TBC1D19: variants seen among roughly 807,000 people sequenced by gnomAD.
TBC1D19 encodes TBC1 domain family, member 19.
In TBC1D19, 60 loss-of-function variants were observed where a neutral mutation model predicts 89.0. The ratio of observed to expected loss-of-function variants is 0.67; its 90% CI spans 0.55 to 0.84. The LOEUF (loss-of-function observed/expected upper bound fraction) is 0.84, where lower values mean the gene tolerates loss of function less well. Ranked by LOEUF, TBC1D19 falls within the 40% of genes least tolerant of loss-of-function variation. The probability of loss-of-function intolerance (pLI) is 0.00; values close to 1 mark genes in which losing one functional copy is unlikely to be tolerated. For synonymous variants in TBC1D19, 189 were observed against 199.7 expected (o/e 0.95, Z 0.45); for missense variants, 500 against 610.8 (o/e 0.82, Z 1.91).
At chr4:26,622,836 T>A (rs1042650659) in intron 4 of TBC1D19, among the ~76,000 whole-genome samples, 3 of 152,158 alleles carry the variant, frequency 2.0e-5, no homozygotes, top group African/African-American at 7.2e-5. Context: ...ATATTTACTA[T>A]CTTCCCTTTC....
intron 4 of TBC1D19, 66 bp downstream of exon 4, chr4:26,620,754 A>T (rs1741996977): frequency 7.2e-7 from 1 of 1,392,872 alleles, no homozygotes; most frequent in Non-Finnish European, 1.0e-6. Flanking sequence ...GCAAAAGATC[A>T]TTACTGATGT....
At chr4:26,855,268 A>G in the TBC1D19 span, among the ~76,000 whole-genome samples, 8 of 152,142 alleles carry the variant, frequency 5.3e-5, no homozygotes, top group Non-Finnish European at 1.0e-4. Flanking sequence ...CCCTGTAAAG[A>G]CTTCTGTGTA....
intron 18 of TBC1D19, among the ~76,000 whole-genome samples, chr4:26,742,921 G>A (rs1336988534): frequency 2.0e-5 from 3 of 152,066 alleles, no homozygotes; most frequent in African/African-American, 7.2e-5. Context: ...AATACTACCT[G>A]AGAAACATGA....
At chr4:26,825,313 G>T in the TBC1D19 span, among the ~76,000 whole-genome samples, 7 of 152,088 alleles carry the variant, frequency 4.6e-5, no homozygotes, top group Non-Finnish European at 7.3e-5. Context: ...TGGCCAGGAT[G>T]GTCTCAATCT....
chr4:26,680,067 G>A (rs1189558710), intron 11 of TBC1D19, among the ~76,000 whole-genome samples: 3 of 152,082 alleles, frequency 2.0e-5, no homozygotes, highest in African/African-American at 7.2e-5. Flanking sequence ...TTTATAAGGG[G>A]CTTCCCCCTT....
At chr4:26,713,994 A>G (rs1716381396) in intron 13 of TBC1D19, among the ~76,000 whole-genome samples, 1 of 152,094 alleles carries the variant, frequency 6.6e-6, no homozygotes, top group Non-Finnish European at 1.5e-5. Context: ...TTGGGGAGTA[A>G]CCCATTAAAT....
At chr4:26,593,992 A>G (rs894129067) in intron 1 of TBC1D19, among the ~76,000 whole-genome samples, 3 of 152,208 alleles carry the variant, frequency 2.0e-5, no homozygotes, top group African/African-American at 7.2e-5. Flanking sequence ...ATTACTGGGT[A>G]TATACCCAAA....
intron 7 of TBC1D19, among the ~76,000 whole-genome samples, chr4:26,648,947 A>G (rs185713795): frequency 1.5e-3 from 231 of 152,132 alleles, no homozygotes; most frequent in Middle Eastern, 6.9e-3. Flanking sequence ...AAAATTACGA[A>G]TATTTTAAAT....
In TBC1D19 at chr4:26,695,653, G is replaced by A. The variant is rs368458098; in HGVS notation, c.954+7246G>A. Among the ~76,000 whole-genome samples the A allele has an allele frequency of 1.4e-4, 22 of 152,284 alleles. No individual in the cohort carries two copies. The East Asian group carries it at 1.5e-3, about 11-fold the overall frequency. On this transcript the variant is annotated intron_variant, in intron 13 of 20. Transcript: ENST00000264866. ...AAGGGAATCCCATCAGCCTAACAGCGGATCTCTCGGCAGAAACTCTACAAG... is the reference window on the plus strand; with the variant it reads ...AAGGGAATCCCATCAGCCTAACAGCAGATCTCTCGGCAGAAACTCTACAAG...
At chr4:26,804,241 G>A in the TBC1D19 span, among the ~76,000 whole-genome samples, 25 of 152,240 alleles carry the variant, frequency 1.6e-4, 1 homozygote, top group South Asian at 5.0e-3. Context: ...TGCCTCCCCG[G>A]TTCTAGCTAT....
At chr4:26,595,292 T>A (rs1044363007) in intron 1 of TBC1D19, among the ~76,000 whole-genome samples, 5 of 152,244 alleles carry the variant, frequency 3.3e-5, no homozygotes, top group Non-Finnish European at 7.3e-5. Context: ...GTTTTCTTAT[T>A]GTTGAGTTTT....
chr4:26,837,771 G>T, the TBC1D19 span, among the ~76,000 whole-genome samples: 1 of 152,150 alleles, frequency 6.6e-6, no homozygotes, highest in Admixed American at 6.5e-5. Flanking sequence ...GGATGCATGT[G>T]GGGTGCGGGT....
rs190707822 is a variant in TBC1D19, at chr4:26,681,467, C to T, written c.817-2208C>T. ...TCGGGAGGCTGGAGCAGGAGAATGGCGTGAACCCAGGAGGCAGAGGTTGCA... is the reference window on the plus strand; with the variant it reads ...TCGGGAGGCTGGAGCAGGAGAATGGTGTGAACCCAGGAGGCAGAGGTTGCA... On this transcript the variant is annotated intron_variant, in intron 11 of 20. Transcript: ENST00000264866. 9.9e-4 allele frequency among the ~76,000 whole-genome samples: 151 copies of T among 152,124 alleles called. 1 individual carries two copies. Among genetic ancestry groups the T allele is most frequent in the Admixed American group, 2.8e-3 (43 of 15,298 alleles).
chr4:26,717,940 T>A lies in TBC1D19; in HGVS notation c.962T>A (p.Leu321His), dbSNP rs1432554333. ...TTCCAATGTTATATTCAGGTATTAC[T>A]TTGTTTTTCCCGGGATACATCTGTG... ...VFEDYLYQVL[L>H]CFSRDTSVLS... The change falls in exon 14 of 21, where the codon CTT becomes CAT. Residue 321 changes from leucine (L) to histidine (H), a missense_variant. Around this residue, in one of 2 missense-constraint regions of TBC1D19, gnomAD observed 220 missense variants for 319.1 expected, o/e 0.69. Transcript: ENST00000264866. 1 of 1,611,784 alleles carries A rather than the reference T, an allele frequency of 6.2e-7. No homozygotes were observed. Among genetic ancestry groups the A allele is most frequent in the South Asian group, 1.1e-5 (1 of 90,852 alleles).
the TBC1D19 span, among the ~76,000 whole-genome samples, chr4:26,819,904 A>G: frequency 6.6e-6 from 1 of 152,178 alleles, no homozygotes; most frequent in Admixed American, 6.5e-5. Flanking sequence ...TTGACCTGGA[A>G]TGCTCGTCCC....
the TBC1D19 span, among the ~76,000 whole-genome samples, chr4:26,807,284 A>G: frequency 2.6e-5 from 4 of 152,140 alleles, no homozygotes; most frequent in African/African-American, 9.7e-5. Flanking sequence ...CTGAGCCTCC[A>G]TAGCCGCCAC....
chr4:26,765,594 G>GGAGAT, the TBC1D19 span, among the ~76,000 whole-genome samples: 1 of 152,074 alleles, frequency 6.6e-6, no homozygotes, highest in Admixed American at 6.6e-5. Flanking sequence ...GGGATGTGTA[G>GGAGAT]GTGAACCGTC....
Position 26,670,606 on chromosome 4 carries a change from C to A in TBC1D19, c.665-1543C>A, listed in dbSNP as rs545756522. Among the ~76,000 whole-genome samples, 9 of 151,618 alleles carry A rather than the reference C, an allele frequency of 5.9e-5. No homozygotes were observed. The East Asian group carries it at 1.7e-3, about 29-fold the overall frequency. On this transcript the variant is annotated intron_variant, in intron 9 of 20. Coordinates refer to ENST00000264866, the MANE Select transcript of TBC1D19 (RefSeq NM_018317.4). ...TACAACATACATACTGGATAGTATA[C>A]AAATCACGTATATACAGATCAGTGA... is the stretch of plus-strand genomic sequence containing the variant.
In TBC1D19 at chr4:26,740,599, CT is replaced by C. The variant is rs1163097549; in HGVS notation, c.1227+627del. Reference sequence around the variant, plus strand: ...TAGGAGTTGAACATTTTAATCTGTTCTCTTTTGGCTGTTCCTTTATCATATC... The same window carrying C: ...TAGGAGTTGAACATTTTAATCTGTTCCTTTTGGCTGTTCCTTTATCATATC... On this transcript the variant is annotated intron_variant, in intron 17 of 20. Transcript: ENST00000264866. The C allele has an allele frequency of 1.2e-5, 11 of 948,690 alleles. No homozygotes were observed. In the African/African-American group the frequency reaches 1.4e-4, roughly 12 times the overall value. The allele number at this position is 948,690 out of a possible 1,614,324, so 58.8% of individuals were successfully genotyped here. A position where few individuals can be genotyped will look rare whatever the true frequency, so the allele number is the denominator to read the frequency against.
Sources: gnomAD v4.1 joint callset for allele counts (sites outside exome capture counted in the v4.1 genomes callset) on GRCh38, gnomAD v4.1.1 for gene constraint, gnomAD v4.1.1 regional missense constraint, MANE v1.5 for transcripts, NCBI Gene and HGNC (gene_info 2026-07-23, HGNC 2026-07-21) for gene names.